The following NEDD4L variants were observed in gnomAD, a reference collection of about 807,000 sequenced individuals.
The protein encoded by NEDD4L is NEDD4 like E3 ubiquitin protein ligase.
NEDD4L carries 54 observed loss-of-function variants against 148.9 expected under a neutral mutation model. That is an observed-to-expected ratio of 0.36 (90% CI 0.29 to 0.45). The LOEUF is 0.45. NEDD4L is among the 20% of genes least tolerant of loss of function. The pLI is 1.00. For missense variants in NEDD4L, 856 were observed against 1,233.8 expected (o/e 0.69, Z 4.59); for synonymous variants, 433 against 440.7 (o/e 0.98, Z 0.22).
chr18:58,198,530 G>A (rs2041005951), intron 2 of NEDD4L, among the ~76,000 whole-genome samples: 1 of 152,164 alleles, frequency 6.6e-6, no homozygotes, highest in African/African-American at 2.4e-5. Context: ...CCTCTAAGGT[G>A]GAGTGTCGGG....
At chr18:58,056,705 C>T (rs545834285) in intron 1 of NEDD4L, among the ~76,000 whole-genome samples, 8 of 152,208 alleles carry the variant, frequency 5.3e-5, no homozygotes, top group African/African-American at 1.7e-4. Context: ...CCCATCCTCC[C>T]GAGTAGCTGG....
In NEDD4L at chr18:58,092,173, A is replaced by T. The variant is rs375814960; in HGVS notation, c.48+47465A>T. Among the ~76,000 whole-genome samples the T allele has an allele frequency of 4.8e-3, 730 of 152,362 alleles. 12 individuals are homozygous for T. The highest frequency in any genetic ancestry group is 0.016 in the African/African-American group (681 of 41,598). On this transcript the variant is annotated intron_variant, in intron 1 of 30. Coordinates refer to ENST00000400345, the MANE Select transcript of NEDD4L (RefSeq NM_001144967.3). The stretch of plus-strand genomic sequence containing the variant: ...GCAGGCCCTGTGACTTGCCACCAGC[A>T]TCCTCCCTTCGGGGGAGGTCCTTTC...
At chr18:58,251,507 G>A (rs563965311) in intron 4 of NEDD4L, among the ~76,000 whole-genome samples, 69 of 151,850 alleles carry the variant, frequency 4.5e-4, no homozygotes, top group Non-Finnish European at 8.1e-4. Flanking sequence ...GAACAAGACC[G>A]TCTGTCTCTG....
rs796385755 is a variant in NEDD4L at position 58,171,442 on chromosome 18, A to C, written c.122+5581A>C. Among the ~76,000 whole-genome samples the C allele has an allele frequency of 1.0e-3, 39 of 38,770 alleles. 4 individuals carry two copies. Among genetic ancestry groups the C allele is most frequent in the East Asian group, 2.5e-3 (2 of 798 alleles). 25.4% of individuals were successfully genotyped at this position (38,770 alleles called of 152,430 possible). The stretch of plus-strand genomic sequence containing the variant: ...CCAAGAGGACAGAACACTGCTGCCC[A>C]CCTCATCACCCCAGCCCAAGGGGAC... On this transcript the variant is annotated intron_variant, in intron 2 of 30. Coordinates refer to ENST00000400345, the MANE Select transcript of NEDD4L (RefSeq NM_001144967.3).
chr18:58,272,673 G>T (rs2051228556), intron 5 of NEDD4L, among the ~76,000 whole-genome samples: 1 of 151,686 alleles, frequency 6.6e-6, no homozygotes, highest in Non-Finnish European at 1.5e-5. Context: ...CTCCAAAAAA[G>T]AATAAATTAA....
intron 1 of NEDD4L, among the ~76,000 whole-genome samples, chr18:58,059,732 T>C (rs920958267): frequency 2.6e-5 from 4 of 152,212 alleles, no homozygotes; most frequent in East Asian, 1.9e-4. Flanking sequence ...TTAGTAACAA[T>C]GTATTCTTCA....
At chr18:58,289,871 GCT>G (rs1450391833) in intron 5 of NEDD4L, among the ~76,000 whole-genome samples, 7 of 152,198 alleles carry the variant, frequency 4.6e-5, no homozygotes, top group Admixed American at 4.6e-4. Flanking sequence ...CCTTAATTGT[GCT>G]CAAGGATCAG....
At chr18:58,227,131 A>G (rs1208309635) in intron 2 of NEDD4L, among the ~76,000 whole-genome samples, 2 of 152,134 alleles carry the variant, frequency 1.3e-5, no homozygotes, top group Non-Finnish European at 1.5e-5. Context: ...AACACTGTGA[A>G]CTTTAGTAAT....
intron 1 of NEDD4L, among the ~76,000 whole-genome samples, chr18:58,134,110 C>T (rs1026418653): frequency 3.3e-5 from 5 of 152,188 alleles, no homozygotes; most frequent in Admixed American, 1.3e-4. Context: ...AAGTGATTCT[C>T]CTGCCTCAGC....
At chr18:58,135,025 C>T (rs1262914493) in intron 1 of NEDD4L, among the ~76,000 whole-genome samples, 3 of 151,862 alleles carry the variant, frequency 2.0e-5, no homozygotes, top group Non-Finnish European at 4.4e-5. Flanking sequence ...TATAATTGGA[C>T]TATACCCTTT....
chr18:58,228,362 G>T (rs141762412), intron 2 of NEDD4L, among the ~76,000 whole-genome samples: 141 of 152,338 alleles, frequency 9.3e-4, no homozygotes, highest in Non-Finnish European at 1.7e-3. Context: ...ATGCCAGGTG[G>T]GGGGCAGGAC....
At chr18:58,052,166 C>T (rs1468219140) in intron 1 of NEDD4L, among the ~76,000 whole-genome samples, 1 of 152,180 alleles carries the variant, frequency 6.6e-6, no homozygotes, top group African/African-American at 2.4e-5. Flanking sequence ...CTGTAACTTT[C>T]TGTTACTCTG....
rs147363043 is a variant in NEDD4L, at chr18:58,092,109, T to C, written c.48+47401T>C. 1.1e-3 allele frequency among the ~76,000 whole-genome samples: 168 copies of C among 152,330 alleles called. 1 individual carries two copies. The highest frequency in any genetic ancestry group is 3.9e-3 in the African/African-American group (161 of 41,570). On this transcript the variant is annotated intron_variant, in intron 1 of 30. Transcript: ENST00000400345. ...AATCTTGGAAGAACCAAGTTACAGA[T>C]GTGAGTAAAAGAGGGGATGGCAGGG...
At chr18:58,323,848 G>GT (rs1164601712) in intron 8 of NEDD4L, among the ~76,000 whole-genome samples, 1 of 152,132 alleles carries the variant, frequency 6.6e-6, no homozygotes, top group African/African-American at 2.4e-5. Context: ...AGAGCCGCCT[G>GT]TATTTACCTT....
At chr18:58,153,576 A>G (rs2035073107) in intron 1 of NEDD4L, among the ~76,000 whole-genome samples, 1 of 151,692 alleles carries the variant, frequency 6.6e-6, no homozygotes, top group African/African-American at 2.4e-5. Flanking sequence ...TCCTGACTTC[A>G]GGTGATCTGC....
intron 13 of NEDD4L, among the ~76,000 whole-genome samples, chr18:58,340,218 GT>G (rs537294800): frequency 1.8e-4 from 28 of 152,270 alleles, no homozygotes; most frequent in African/African-American, 6.5e-4. Flanking sequence ...ACACATCCTT[GT>G]TTTTCAGTGT....
chr18:58,192,660 T>G (rs2040237038), intron 2 of NEDD4L, among the ~76,000 whole-genome samples: 1 of 151,946 alleles, frequency 6.6e-6, no homozygotes, highest in Non-Finnish European at 1.5e-5. Context: ...CTGTGCTGTC[T>G]GCTGGGTTCG....
At chr18:58,341,996 TG>T (rs1451999167) in intron 15 of NEDD4L, among the ~76,000 whole-genome samples, 199 bp downstream of exon 15, 1 of 152,232 alleles carries the variant, frequency 6.6e-6, no homozygotes, top group Non-Finnish European at 1.5e-5. Flanking sequence ...CTCTCTCACC[TG>T]ATTCTCATTC....
At chr18:58,351,140 A>T in intron 18 of NEDD4L, 95 bp downstream of exon 18, 1 of 1,537,472 alleles carries the variant, frequency 6.5e-7, no homozygotes, top group Non-Finnish European at 8.8e-7. Flanking sequence ...TTTACTCTTT[A>T]TCTAGGCAGC....
Sources: allele counts gnomAD v4.1 joint callset (sites outside exome capture counted in the v4.1 genomes callset), GRCh38; gene constraint gnomAD v4.1.1; transcripts MANE v1.5; gene names NCBI Gene and HGNC (gene_info 2026-07-23, HGNC 2026-07-21).